Variants in PIK3C2G observed in about 807,000 individuals in gnomAD.
PIK3C2G encodes phosphatidylinositol-4-phosphate 3-kinase catalytic subunit type 2 gamma.
In PIK3C2G, 168 loss-of-function variants were observed where a neutral mutation model predicts 181.1. That is an observed-to-expected ratio of 0.93 (90% CI 0.82 to 1.05). The LOEUF (loss-of-function observed/expected upper bound fraction) is 1.05, where lower values mean the gene tolerates loss of function less well. Among genes scored for constraint, PIK3C2G ranks in the 50% least tolerant of loss-of-function variants. The pLI is 0.00. For synonymous variants in PIK3C2G, 573 were observed against 592.2 expected, an observed-to-expected ratio of 0.97 and a Z score of 0.47; for missense variants, 1,869 against 1,732.8, an observed-to-expected ratio of 1.08 and a Z score of -1.40.
intron 29 of PIK3C2G, among the ~76,000 whole-genome samples, chr12:18,593,014 C>T (rs1486266987): frequency 6.6e-6 from 1 of 151,908 alleles, no homozygotes. Flanking sequence ...CTTCTGATGG[C>T]TATGAGGAAA....
intron 31 of PIK3C2G, among the ~76,000 whole-genome samples, chr12:18,610,958 T>G (rs1157628065): frequency 6.6e-6 from 1 of 152,114 alleles, no homozygotes. Flanking sequence ...GCTTTTAGAC[T>G]GGGCATGTAA....
chr12:18,664,778 C>A, the PIK3C2G span, among the ~76,000 whole-genome samples: 2 of 151,230 alleles, frequency 1.3e-5, no homozygotes, highest in African/African-American at 4.9e-5. Flanking sequence ...CAATGATAGA[C>A]TGGATTAAGA....
chr12:18,711,888 T>C, the PIK3C2G span, among the ~76,000 whole-genome samples: 2 of 152,110 alleles, frequency 1.3e-5, no homozygotes, highest in African/African-American at 4.8e-5. Context: ...AGTGCCATAC[T>C]CTCAATGTTT....
intron 18 of PIK3C2G, among the ~76,000 whole-genome samples, chr12:18,466,454 T>C (rs964548491): frequency 7.9e-5 from 12 of 151,920 alleles, no homozygotes; most frequent in African/African-American, 2.7e-4. Context: ...TATTAAAGTA[T>C]TGATTTTCAA....
intron 13 of PIK3C2G, among the ~76,000 whole-genome samples, chr12:18,377,786 C>A (rs1331411057): frequency 3.3e-5 from 5 of 152,058 alleles, no homozygotes; most frequent in Non-Finnish European, 5.9e-5. Flanking sequence ...GACCAGTGGT[C>A]CCCATTTGCC....
chr12:18,670,382 G>T, the PIK3C2G span, among the ~76,000 whole-genome samples: 1 of 151,958 alleles, frequency 6.6e-6, no homozygotes, highest in Non-Finnish European at 1.5e-5. Context: ...GCCACAGAGA[G>T]CTAGAACATA....
intron 28 of PIK3C2G, among the ~76,000 whole-genome samples, chr12:18,566,002 A>C (rs1001814768): frequency 7.9e-5 from 12 of 152,196 alleles, no homozygotes; most frequent in African/African-American, 2.9e-4. Flanking sequence ...GTATACTGGT[A>C]CTAATTTTCA....
At chr12:18,530,245 C>A (rs150587111) in intron 24 of PIK3C2G, among the ~76,000 whole-genome samples, 1 of 152,298 alleles carries the variant, frequency 6.6e-6, no homozygotes, top group African/African-American at 2.4e-5. Flanking sequence ...TTCTTCCTTT[C>A]TCTTATAATA....
intron 26 of PIK3C2G, 40 bp from the exon 27 acceptor site, chr12:18,562,663 A>G: frequency 8.4e-7 from 1 of 1,190,840 alleles, no homozygotes. Context: ...GTAGATGCAG[A>G]GGAGTGTCAC....
intron 18 of PIK3C2G, among the ~76,000 whole-genome samples, chr12:18,454,053 T>G (rs796505682): frequency 1.7e-4 from 26 of 152,092 alleles, no homozygotes; most frequent in African/African-American, 6.0e-4. Flanking sequence ...TTTCTACTAG[T>G]TTTTTTTACC....
downstream of PIK3C2G, among the ~76,000 whole-genome samples, chr12:18,651,128 A>G: frequency 6.6e-6 from 1 of 152,004 alleles, no homozygotes; most frequent in South Asian, 2.1e-4. Context: ...TCCTATGCTT[A>G]TAACATTCAA....
chr12:18,272,781 C>T (rs1481017469), intron 1 of PIK3C2G, among the ~76,000 whole-genome samples: 9 of 152,104 alleles, frequency 5.9e-5, no homozygotes. Flanking sequence ...TGATATCTTT[C>T]TTGTGAACTA....
chr12:18,410,286 T>C (rs191475844), intron 16 of PIK3C2G, among the ~76,000 whole-genome samples: 1 of 152,104 alleles, frequency 6.6e-6, no homozygotes, highest in African/African-American at 2.4e-5. Context: ...TGGCAGATCA[T>C]CTGAGGTCAG....
At chr12:18,593,820 A>T (rs953324719) in intron 29 of PIK3C2G, among the ~76,000 whole-genome samples, 1 of 151,918 alleles carries the variant, frequency 6.6e-6, no homozygotes, top group Non-Finnish European at 1.5e-5. Flanking sequence ...TGAAATTTTT[A>T]TTAAAGTAAT....
chr12:18,452,342 T>C (rs1206592497), intron 18 of PIK3C2G, among the ~76,000 whole-genome samples: 1 of 152,206 alleles, frequency 6.6e-6, no homozygotes, highest in Non-Finnish European at 1.5e-5. Context: ...TTCTAGATTT[T>C]CTAGTTTATT....
chr12:18,456,664 C>T (rs1947646117), intron 18 of PIK3C2G, among the ~76,000 whole-genome samples: 1 of 152,156 alleles, frequency 6.6e-6, no homozygotes, highest in African/African-American at 2.4e-5. Flanking sequence ...ATGGAGCCTC[C>T]AGGTTGAACA....
chr12:18,314,060 G>A lies in PIK3C2G; in HGVS notation c.1133G>A (p.Arg378Gln), dbSNP rs773615749. The change falls in exon 6 of 33, where the codon CGA becomes CAA. Residue 378 changes from arginine (R) to glutamine (Q), a missense_variant. Arg to Gln is a conservative substitution (Grantham distance 43, BLOSUM62 1). Transcript: ENST00000538779. ...KSREAPGKLS[R>Q]KHEEDHSQFY... ...AGGGAAGCTCCAGGAAAGCTATCTC[G>A]AAAGGTAAGACTTTCTTAGCATTGG... The A allele has an allele frequency of 3.3e-6, 5 of 1,510,370 alleles. No homozygotes were observed. The highest frequency in any genetic ancestry group is 1.2e-5 in the South Asian group (1 of 84,076). The allele number at this position is 1,510,370 out of a possible 1,614,324, so 93.6% of individuals were successfully genotyped here.
chr12:18,275,378 C>CTTAA (rs1948939954), intron 1 of PIK3C2G, among the ~76,000 whole-genome samples: 1 of 151,906 alleles, frequency 6.6e-6, no homozygotes, highest in African/African-American at 2.4e-5. Flanking sequence ...TTTTTATCCT[C>CTTAA]TTAATTTATT....
intron 1 of PIK3C2G, among the ~76,000 whole-genome samples, chr12:18,277,713 A>C (rs1485260908): frequency 1.3e-5 from 2 of 152,082 alleles, no homozygotes; most frequent in African/African-American, 2.4e-5. Context: ...TAAAATAAAC[A>C]TTTTTGTTCC....
Sources: gnomAD v4.1 joint callset for allele counts (sites outside exome capture counted in the v4.1 genomes callset) on GRCh38, gnomAD v4.1.1 for gene constraint, MANE v1.5 for transcripts, NCBI Gene and HGNC (gene_info 2026-07-23, HGNC 2026-07-21) for gene names.